CADM2: variants seen among roughly 807,000 people sequenced by gnomAD.
CADM2 encodes immunoglobulin superfamily member 4D.
CADM2 carries 12 observed loss-of-function variants against 49.8 expected under a neutral mutation model. That is an observed-to-expected ratio of 0.24 (90% CI 0.15 to 0.39). The LOEUF is 0.39. Ranked by LOEUF, CADM2 falls within the 10% of genes least tolerant of loss-of-function variation. CADM2 has a pLI of 1.00. For missense variants in CADM2, 378 were observed against 492.3 expected (o/e 0.77, Z 2.20); for synonymous variants, 214 against 175.4 (o/e 1.22, Z -1.74).
chr3:85,599,708 TA>T (rs1210487039), intron 1 of CADM2, among the ~76,000 whole-genome samples: 1 of 151,916 alleles, frequency 6.6e-6, no homozygotes, highest in Non-Finnish European at 1.5e-5. Flanking sequence ...ATGTCAAATT[TA>T]TAAAAATTTC....
chr3:85,259,278 A>G (rs1198900129), intron 1 of CADM2, among the ~76,000 whole-genome samples: 1 of 152,142 alleles, frequency 6.6e-6, no homozygotes, highest in Non-Finnish European at 1.5e-5. Context: ...GAAACTTATG[A>G]ATATTTTAGT....
intron 1 of CADM2, among the ~76,000 whole-genome samples, chr3:85,033,056 A>AT (rs1370705924): frequency 6.6e-6 from 1 of 152,164 alleles, no homozygotes; most frequent in Non-Finnish European, 1.5e-5. Context: ...AAAATTACAG[A>AT]TAAAAAAACA....
intron 8 of CADM2, among the ~76,000 whole-genome samples, chr3:86,016,169 T>C (rs1474568516): frequency 1.3e-5 from 2 of 152,076 alleles, no homozygotes; most frequent in African/African-American, 4.8e-5. Flanking sequence ...TCTAATACTA[T>C]AGTGGTAAAG....
At chr3:85,421,441 T>A (rs948091423) in intron 1 of CADM2, among the ~76,000 whole-genome samples, 1 of 152,188 alleles carries the variant, frequency 6.6e-6, no homozygotes, top group African/African-American at 2.4e-5. Flanking sequence ...AGAAATTAAT[T>A]CATGCAGAAG....
At chr3:85,544,013 T>C (rs1467498119) in intron 1 of CADM2, among the ~76,000 whole-genome samples, 1 of 152,178 alleles carries the variant, frequency 6.6e-6, no homozygotes, top group African/African-American at 2.4e-5. Context: ...GCATCCATTT[T>C]TGTTTTTCAA....
At position 85,998,561 on chromosome 3, in the gene CADM2, G is replaced by A. The variant is rs146442962; in HGVS notation, c.970+36914G>A. The stretch of plus-strand genomic sequence containing the variant: ...TGAAAATAAATATATATTTATCTAT[G>A]CACTTATTGATTGAATATTCAGTAT... On this transcript the variant is annotated intron_variant, in intron 8 of 9. Transcript: ENST00000383699. Among the ~76,000 whole-genome samples the A allele has an allele frequency of 2.8e-4, 42 of 152,162 alleles. No homozygotes were observed. The East Asian group carries it at 7.9e-3, about 29-fold the overall frequency.
chr3:85,048,958 T>C (rs2107396161), intron 1 of CADM2, among the ~76,000 whole-genome samples: 1 of 152,236 alleles, frequency 6.6e-6, no homozygotes, highest in African/African-American at 2.4e-5. Flanking sequence ...GAATTGGATA[T>C]ATGGAAACAT....
intron 8 of CADM2, among the ~76,000 whole-genome samples, chr3:86,046,427 A>G (rs1042484862): frequency 1.3e-5 from 2 of 152,164 alleles, no homozygotes; most frequent in African/African-American, 4.8e-5. Flanking sequence ...CCTTTTAAGC[A>G]TATTTGCCTA....
intron 1 of CADM2, among the ~76,000 whole-genome samples, chr3:85,034,083 G>A (rs923226163): frequency 5.3e-5 from 8 of 152,020 alleles, no homozygotes; most frequent in African/African-American, 1.9e-4. Context: ...TAAATGAAGT[G>A]TCCATCAACT....
At chr3:85,221,334 C>A (rs914094863) in intron 1 of CADM2, among the ~76,000 whole-genome samples, 1 of 152,058 alleles carries the variant, frequency 6.6e-6, no homozygotes, top group Admixed American at 6.6e-5. Flanking sequence ...CTAGTAATCT[C>A]TATCTTTTTA....
intron 1 of CADM2, among the ~76,000 whole-genome samples, chr3:85,360,292 A>G: frequency 6.6e-6 from 1 of 152,288 alleles, no homozygotes; most frequent in African/African-American, 2.4e-5. Flanking sequence ...TTAGCTAATA[A>G]CACAAAAATA....
At chr3:85,633,684 C>T (rs2064376843) in intron 1 of CADM2, among the ~76,000 whole-genome samples, 1 of 151,934 alleles carries the variant, frequency 6.6e-6, no homozygotes, top group Non-Finnish European at 1.5e-5. Flanking sequence ...TCCATGGAAC[C>T]AATCACTGTA....
chr3:85,515,623 A>G (rs1489149234), intron 1 of CADM2, among the ~76,000 whole-genome samples: 2 of 115,732 alleles, frequency 1.7e-5, no homozygotes, highest in Non-Finnish European at 3.5e-5. Context: ...ATATATATAT[A>G]TATATATATT....
chr3:84,992,034 G>A (rs2032920439), intron 1 of CADM2, among the ~76,000 whole-genome samples: 1 of 152,128 alleles, frequency 6.6e-6, no homozygotes, highest in Admixed American at 6.5e-5. Context: ...AAGAATTTTA[G>A]GGCAGTGATA....
At chr3:85,779,555 G>A (rs1314553477) in intron 2 of CADM2, among the ~76,000 whole-genome samples, 4 of 152,070 alleles carry the variant, frequency 2.6e-5, no homozygotes, top group Non-Finnish European at 5.9e-5. Flanking sequence ...AGAGAGGAAT[G>A]CCCCTTACAA....
intron 1 of CADM2, among the ~76,000 whole-genome samples, chr3:85,035,485 A>G (rs1479489092): frequency 2.0e-5 from 3 of 152,148 alleles, no homozygotes; most frequent in Admixed American, 1.3e-4. Context: ...TTCCTCAAGA[A>G]ATGTTTGCTT....
chr3:85,094,981 C>A (rs759273749), intron 1 of CADM2, among the ~76,000 whole-genome samples: 12 of 152,040 alleles, frequency 7.9e-5, no homozygotes, highest in Non-Finnish European at 1.5e-4. Flanking sequence ...TATATGAATT[C>A]TTGACTTACT....
chr3:85,961,084 T>A (rs1724754443), intron 7 of CADM2, among the ~76,000 whole-genome samples: 1 of 147,792 alleles, frequency 6.8e-6, no homozygotes, highest in Non-Finnish European at 1.5e-5. Flanking sequence ...AATATAAATA[T>A]TTATATTTAC....
chr3:85,381,097 T>C (rs1049443352), intron 1 of CADM2, among the ~76,000 whole-genome samples: 4 of 152,036 alleles, frequency 2.6e-5, no homozygotes, highest in Admixed American at 6.6e-5. Context: ...TTATCCGATA[T>C]ATGAAGATAG....
Sources: allele counts gnomAD v4.1 joint callset (sites outside exome capture counted in the v4.1 genomes callset), GRCh38; gene constraint gnomAD v4.1.1; transcripts MANE v1.5; gene names NCBI Gene and HGNC (gene_info 2026-07-23, HGNC 2026-07-21).